TRIM5: variants seen among roughly 807,000 people sequenced by gnomAD.
TRIM5 encodes the protein tripartite motif containing 5, also known as tripartite motif-containing protein 5.
A neutral mutation model predicts 35.6 loss-of-function variants in TRIM5; 31 were observed. The observed-to-expected ratio is 0.87, with a 90% CI of 0.65 to 1.18. The LOEUF is 1.18. TRIM5 is among the 50% of genes most tolerant of loss of function. The probability of loss-of-function intolerance (pLI) is 0.00; values close to 1 mark genes in which losing one functional copy is unlikely to be tolerated. For missense variants in TRIM5, 609 were observed against 591.6 expected, an observed-to-expected ratio of 1.03 and a Z score of -0.31; for synonymous variants, 243 against 215.6, an observed-to-expected ratio of 1.13 and a Z score of -1.11.
At chr11:5,590,618 G>T in the TRIM5 span, 4 of 152,180 alleles carry the variant, frequency 2.6e-5, no homozygotes, top group African/African-American at 9.7e-5. Context: ...TCAGCGCCCT[G>T]TCAAAACAGA....
the TRIM5 span, among the ~76,000 whole-genome samples, chr11:5,646,486 A>C: frequency 1.3e-5 from 2 of 152,166 alleles, no homozygotes; most frequent in Non-Finnish European, 2.9e-5. Flanking sequence ...TTCCCTGTCT[A>C]GCACCTGCCA....
the TRIM5 span, chr11:5,619,773 G>C: frequency 7.8e-6 from 1 of 127,814 alleles, no homozygotes; most frequent in Non-Finnish European, 1.6e-5. Context: ...TGTGATCTCG[G>C]CTCACTGCAA....
chr11:5,638,696 A>G, the TRIM5 span, among the ~76,000 whole-genome samples: 5 of 152,334 alleles, frequency 3.3e-5, no homozygotes, highest in African/African-American at 1.2e-4. Context: ...ATATGGCTGG[A>G]GAACAGCTTA....
chr11:5,667,787 C>T, intron 4 of TRIM5, 76 bp from the exon 5 acceptor site: 1 of 1,526,334 alleles, frequency 6.6e-7, no homozygotes, highest in Non-Finnish European at 9.0e-7. Context: ...CACATTTCCC[C>T]CGGTTCCTAA....
intron 4 of TRIM5, among the ~76,000 whole-genome samples, chr11:5,671,520 T>G (rs938272611): frequency 7.9e-5 from 12 of 151,978 alleles, no homozygotes; most frequent in Non-Finnish European, 1.5e-4. Context: ...ATAAAAATTC[T>G]GAAAATTTTA....
the TRIM5 span, chr11:5,634,878 A>G: frequency 6.2e-7 from 1 of 1,606,800 alleles, no homozygotes; most frequent in Non-Finnish European, 8.5e-7. Flanking sequence ...AGGTTCGCTC[A>G]ATCTGAGATT....
the TRIM5 span, chr11:5,611,336 C>T: frequency 6.2e-7 from 1 of 1,611,708 alleles, no homozygotes. Flanking sequence ...GTCGTCCAAG[C>T]TCTTGAATAT....
At chr11:5,604,675 C>A in the TRIM5 span, 1 of 1,592,112 alleles carries the variant, frequency 6.3e-7, no homozygotes, top group Non-Finnish European at 8.6e-7. Context: ...GGAATCATGG[C>A]AGGTCATAGG....
the TRIM5 span, chr11:5,610,551 A>G: frequency 3.1e-6 from 5 of 1,613,706 alleles, no homozygotes; most frequent in Admixed American, 3.3e-5. Context: ...CAGATGTCCA[A>G]AGCTACTGGG....
At chr11:5,634,948 G>A in the TRIM5 span, 6 of 1,450,808 alleles carry the variant, frequency 4.1e-6, no homozygotes, top group African/African-American at 2.8e-5. Context: ...ACACTAAGGG[G>A]TTTCTTTGGC....
chr11:5,596,226 C>G, the TRIM5 span: 1 of 152,410 alleles, frequency 6.6e-6, no homozygotes, highest in African/African-American at 2.4e-5. Context: ...GCTGTCCCCA[C>G]TTGTCTGGAG....
chr11:5,611,685 G>T, the TRIM5 span: 1 of 224,104 alleles, frequency 4.5e-6, no homozygotes, highest in Non-Finnish European at 8.9e-6. Context: ...ACTCCTGACC[G>T]CAAGTGATCC....
At position 5,663,715 on chromosome 11, in the gene TRIM5, C is replaced by T. The variant is rs1047839817; in HGVS notation, c.*1094G>A. On this transcript the variant is annotated 3_prime_UTR_variant, in exon 8 of 8. Coordinates refer to ENST00000380034, the MANE Select transcript of TRIM5 (RefSeq NM_033034.3). ...ATACATGTATACATTGCGTAATAAC[C>T]GAACCAGGGTAATTAGCATATCCAT... The T allele has an allele frequency of 2.7e-5, 11 of 400,156 alleles. No homozygotes were observed. The highest frequency in any genetic ancestry group is 2.6e-4 in the Admixed American group (4 of 15,516). 24.8% of individuals were successfully genotyped at this position (400,156 alleles called of 1,614,324 possible).
At chr11:5,683,901 C>A (rs6578675) in intron 1 of TRIM5, 80,149 of 151,380 alleles carry the variant, frequency 0.53, 21,159 homozygotes, top group African/African-American at 0.53. Flanking sequence ...ACACTATGGA[C>A]GCTTTGTTAT....
the TRIM5 span, chr11:5,632,350 C>T: frequency 1.9e-6 from 3 of 1,614,074 alleles, no homozygotes; most frequent in East Asian, 2.2e-5. Flanking sequence ...AAAAATCTTG[C>T]TTAACGTACA....
At position 5,670,170 on chromosome 11, in the gene TRIM5, C is replaced by CTTTTTT. The variant is rs3060972; in HGVS notation, c.745-2465_745-2460dup. Among the ~76,000 whole-genome samples, 55 of 60,226 alleles carry CTTTTTT rather than the reference C, an allele frequency of 9.1e-4. 1 individual carries two copies. The highest frequency in any genetic ancestry group is 0.022 in the Middle Eastern group (1 of 46). The allele number at this position is 60,226 out of a possible 152,430, so 39.5% of individuals were successfully genotyped here. ...TGTCTGTGTTGGATCAGATGCCCAT[C>CTTTTTT]TTTTTTTTTTTTTTTTTTTTTTTTT... On this transcript the variant is annotated intron_variant, in intron 4 of 7. Transcript: ENST00000380034.
At chr11:5,636,503 A>T in the TRIM5 span, among the ~76,000 whole-genome samples, 1 of 152,198 alleles carries the variant, frequency 6.6e-6, no homozygotes, top group Non-Finnish European at 1.5e-5. Context: ...GTAAAGGGCA[A>T]ATCTTATGGT....
the TRIM5 span, chr11:5,642,535 T>C: frequency 6.2e-7 from 1 of 1,610,496 alleles, no homozygotes; most frequent in Admixed American, 1.7e-5. Context: ...AGACTGTGGA[T>C]GTGGGATTGT....
the TRIM5 span, chr11:5,643,114 C>CATATATATAT: frequency 1.4e-5 from 7 of 492,976 alleles, no homozygotes; most frequent in South Asian, 1.5e-4. Flanking sequence ...TATTCATATA[C>CATATATATAT]ATATATATAT....
Sources: allele counts gnomAD v4.1 joint callset (sites outside exome capture counted in the v4.1 genomes callset), GRCh38; gene constraint gnomAD v4.1.1; transcripts MANE v1.5; gene names NCBI Gene and HGNC (gene_info 2026-07-23, HGNC 2026-07-21).